Variants in KCNG2 observed in about 807,000 individuals in gnomAD.
The protein encoded by KCNG2 is voltage-gated potassium channel regulatory subunit KCNG2.
Under a neutral mutation model 12.3 loss-of-function variants are expected in KCNG2, and 7 were observed. The ratio of observed to expected loss-of-function variants is 0.57; its 90% CI spans 0.32 to 1.07. The LOEUF is 1.07. KCNG2 is among the 50% of genes least tolerant of loss of function. KCNG2 has a pLI of 0.04. For missense variants in KCNG2, 703 were observed against 726.0 expected (o/e 0.97, Z 0.36); for synonymous variants, 414 against 351.4 (o/e 1.18, Z -1.99).
intron 1 of KCNG2, among the ~76,000 whole-genome samples, chr18:79,813,366 G>C (rs2087506327): frequency 6.6e-6 from 1 of 152,130 alleles, no homozygotes; most frequent in African/African-American, 2.4e-5. Context: ...CAACAGAAGA[G>C]ATATACAATC....
chr18:79,882,793 C>T (rs1281453466), intron 3 of KCNG2, among the ~76,000 whole-genome samples: 1 of 149,538 alleles, frequency 6.7e-6, no homozygotes, highest in African/African-American at 2.4e-5. Flanking sequence ...GCGTGGAGCG[C>T]GGAGGCCGGG....
rs968357750 is a variant in KCNG2, at chr18:79,800,231, C to T, written c.-115+2217C>T. 4.6e-5 allele frequency among the ~76,000 whole-genome samples: 7 copies of T among 152,168 alleles called. No homozygotes were observed. In the East Asian group the frequency reaches 1.2e-3, roughly 25 times the overall value. On this transcript the variant is annotated intron_variant, in intron 1 of 3. Coordinates refer to ENST00000316249, the MANE Select transcript of KCNG2 (RefSeq NM_012283.2). The surrounding 1 kb of genome is among the most constrained non-coding windows in gnomAD (Gnocchi z 4.0). Reference sequence around the variant, plus strand: ...GGGAGGGGTGGTAGGGCCTGCAGGACGAGGACACGCAGGGCATCCAGGGAC... The same window carrying T: ...GGGAGGGGTGGTAGGGCCTGCAGGATGAGGACACGCAGGGCATCCAGGGAC...
chr18:79,810,022 A>G (rs2087482828), intron 1 of KCNG2, among the ~76,000 whole-genome samples: 1 of 152,132 alleles, frequency 6.6e-6, no homozygotes, highest in Non-Finnish European at 1.5e-5. Flanking sequence ...AGCCTCGCGG[A>G]GCCGCCCGCC....
At chr18:79,843,627 A>G (rs1978531896) in intron 1 of KCNG2, among the ~76,000 whole-genome samples, 1 of 152,216 alleles carries the variant, frequency 6.6e-6, no homozygotes, top group Admixed American at 6.5e-5. Flanking sequence ...GTTTTTGTTT[A>G]CAGTTGAAGT....
At chr18:79,875,011 C>G (rs927942123) in intron 3 of KCNG2, among the ~76,000 whole-genome samples, 2 of 152,202 alleles carry the variant, frequency 1.3e-5, no homozygotes, top group African/African-American at 4.8e-5. Context: ...GGGACAGCCT[C>G]TGCAGCAAAG....
intron 1 of KCNG2, among the ~76,000 whole-genome samples, chr18:79,820,970 GTTGT>G (rs1052818742): frequency 4.6e-5 from 7 of 152,180 alleles, no homozygotes; most frequent in Admixed American, 2.6e-4. Context: ...TTTAGATTTG[GTTGT>G]TTGTCTTTAG....
At chr18:79,875,374 C>T (rs1274778228) in intron 3 of KCNG2, among the ~76,000 whole-genome samples, 2 of 152,024 alleles carry the variant, frequency 1.3e-5, no homozygotes, top group South Asian at 2.1e-4. Flanking sequence ...CTAGCACCAC[C>T]GAGCACACAT....
intron 3 of KCNG2, among the ~76,000 whole-genome samples, chr18:79,868,125 G>C (rs1278684516): frequency 6.6e-6 from 1 of 152,164 alleles, no homozygotes; most frequent in African/African-American, 2.4e-5. Flanking sequence ...TTTGTGTCAC[G>C]TTAGAGAATA....
intron 3 of KCNG2, among the ~76,000 whole-genome samples, chr18:79,877,804 G>A (rs544291529): frequency 1.1e-4 from 17 of 152,312 alleles, no homozygotes; most frequent in African/African-American, 2.4e-4. Context: ...ATGCCAGGGC[G>A]GACACCATGT....
At chr18:79,873,426 T>TCCCCCC (rs138533244) in intron 3 of KCNG2, among the ~76,000 whole-genome samples, 1 of 86,664 alleles carries the variant, frequency 1.2e-5, no homozygotes, top group African/African-American at 4.2e-5. Flanking sequence ...CCGGCCCCCC[T>TCCCCCC]CCCCCCCCCC....
At chr18:79,860,663 ATGTG>A (rs60081220) in intron 2 of KCNG2, among the ~76,000 whole-genome samples, 23 of 151,524 alleles carry the variant, frequency 1.5e-4, no homozygotes, top group South Asian at 4.2e-4. Context: ...TCTCATAGTG[ATGTG>A]TGTGTGTGTG....
At position 79,822,857 on chromosome 18, in the gene KCNG2, G is replaced by A. The variant is rs577514140; in HGVS notation, c.-115+24843G>A. Among the ~76,000 whole-genome samples, 5 of 152,336 alleles carry A rather than the reference G, an allele frequency of 3.3e-5. No homozygotes were observed. Among genetic ancestry groups the A allele is most frequent in the South Asian group, 2.1e-4 (1 of 4,826 alleles). On this transcript the variant is annotated intron_variant, in intron 1 of 3. Coordinates refer to ENST00000316249, the MANE Select transcript of KCNG2 (RefSeq NM_012283.2). This position sits in a 1 kb window ranked among gnomAD's most constrained non-coding sequence, Gnocchi z 4.4. ...CCTGGGAGAGCCCTTGTCTCCCCAC[G>A]CTTCCGTGGGGTTGTGGATTCCTTG...
At chr18:79,814,372 G>A (rs747608262) in intron 1 of KCNG2, among the ~76,000 whole-genome samples, 5 of 152,346 alleles carry the variant, frequency 3.3e-5, no homozygotes, top group East Asian at 1.9e-4. Flanking sequence ...GTGATAGTTC[G>A]ACGATCACAC....
rs1445419322 is a variant in KCNG2 at position 79,899,690 on chromosome 18, C to T, written c.1275C>T (p.Pro425=). Residue 425 remains proline, a synonymous_variant, in exon 4 of 4, where the codon CCC becomes CCT. Coordinates refer to ENST00000316249, the MANE Select transcript of KCNG2 (RefSeq NM_012283.2). ...AGCAGCAGCAGCGCGCGGCCAGCCCCGAGCCGGCCCTGCAGGAGGACAGCA... is the reference window on the plus strand; with the variant it reads ...AGCAGCAGCAGCGCGCGGCCAGCCCTGAGCCGGCCCTGCAGGAGGACAGCA... ...LKEQQQRAAS[P]EPALQEDSTH... is the part of the protein sequence containing the mutation. 11 of 1,607,534 alleles carry T rather than the reference C, an allele frequency of 6.8e-6. No individual in the cohort carries two copies. The highest frequency in any genetic ancestry group is 6.7e-5 in the South Asian group (6 of 89,950).
chr18:79,871,920 G>T (rs1228859692), intron 3 of KCNG2, among the ~76,000 whole-genome samples: 1 of 152,184 alleles, frequency 6.6e-6, no homozygotes, highest in Admixed American at 6.5e-5. Flanking sequence ...ACCCGCAGCA[G>T]ATGTGTCACC....
intron 3 of KCNG2, among the ~76,000 whole-genome samples, chr18:79,878,126 C>T (rs1212933043): frequency 6.6e-6 from 1 of 152,266 alleles, no homozygotes; most frequent in Non-Finnish European, 1.5e-5. Flanking sequence ...TCACTAGTCC[C>T]ATTACACACA....
intron 3 of KCNG2, among the ~76,000 whole-genome samples, chr18:79,881,277 C>T (rs111713466): frequency 4.2e-4 from 63 of 150,706 alleles, no homozygotes; most frequent in South Asian, 1.5e-3. Flanking sequence ...ACACGCCGTA[C>T]GATTGGAAAG....
chr18:79,810,850 A>G (rs1197102897), intron 1 of KCNG2, among the ~76,000 whole-genome samples: 1 of 152,240 alleles, frequency 6.6e-6, no homozygotes, highest in African/African-American at 2.4e-5. Flanking sequence ...GTCCAACCTT[A>G]GAAGCATGAG....
rs1280323581 is a variant in KCNG2, at chr18:79,864,160, G to T, written c.493G>T (p.Asp165Tyr). The T allele has an allele frequency of 2.0e-6, 3 of 1,474,050 alleles. No individual in the cohort carries two copies. The highest frequency in any genetic ancestry group is 2.4e-4 in the Middle Eastern group (1 of 4,150). 91.3% of individuals were successfully genotyped at this position (1,474,050 alleles called of 1,614,324 possible). Reference sequence around the variant, plus strand: ...GCAGCGCGGCCGGCGGCGCCTGCGCGACGTGGTGGACAACCCGCACTCGGG... The same window carrying T: ...GCAGCGCGGCCGGCGGCGCCTGCGCTACGTGGTGGACAACCCGCACTCGGG... The part of the protein sequence containing the change: ...RLQRGRRRLR[D>Y]VVDNPHSGLA... Residue 165 changes from aspartate to tyrosine, a missense_variant, in exon 3 of 4, where the codon GAC becomes TAC. By Grantham distance (160) the Asp-to-Tyr change is radical. Transcript: ENST00000316249.
Sources: allele counts gnomAD v4.1 joint callset (sites outside exome capture counted in the v4.1 genomes callset), GRCh38; gene constraint gnomAD v4.1.1; non-coding constraint Gnocchi (gnomAD v3.1); transcripts MANE v1.5; gene names NCBI Gene and HGNC (gene_info 2026-07-23, HGNC 2026-07-21).